Variants in CNTNAP2 observed in about 807,000 individuals in gnomAD.
CNTNAP2 encodes the protein contactin associated protein 2, also known as contactin-associated protein-like 2.
Under a neutral mutation model 155.2 loss-of-function variants are expected in CNTNAP2, and 98 were observed. The observed-to-expected ratio is 0.63, with a 90% CI of 0.54 to 0.75. CNTNAP2 has a LOEUF of 0.75. CNTNAP2 is among the 30% of genes least tolerant of loss of function. The pLI, the probability that CNTNAP2 is intolerant of heterozygous loss-of-function variation, is 0.00. For missense variants in CNTNAP2, 1,727 were observed against 1,688.1 expected (o/e 1.02, Z -0.40); for synonymous variants, 651 against 631.2 (o/e 1.03, Z -0.47).
chr7:146,843,599 A>AC (rs1389426023), intron 3 of CNTNAP2, among the ~76,000 whole-genome samples: 1 of 148,896 alleles, frequency 6.7e-6, no homozygotes, highest in East Asian at 1.9e-4. Flanking sequence ...ACTAATACAA[A>AC]AAAAAAAAAA....
chr7:147,097,712 G>C (rs1282881518), intron 4 of CNTNAP2: 1 of 152,180 alleles, frequency 6.6e-6, no homozygotes, highest in Non-Finnish European at 1.5e-5. Flanking sequence ...AAGCATATCA[G>C]ATGAATTTGA....
rs370377093 is a variant in CNTNAP2 at position 147,108,128 on chromosome 7, A to AT, written c.551-8dup. On this transcript the variant is annotated intron_variant, in intron 4 of 23. Coordinates refer to ENST00000361727, the MANE Select transcript of CNTNAP2 (RefSeq NM_014141.6). ...ACATACATGGCTGAACTAATATGTTATTTTTTTTTTTGTTTTAGGGGCTGA... is the reference window on the plus strand; with the variant it reads ...ACATACATGGCTGAACTAATATGTTATTTTTTTTTTTTGTTTTAGGGGCTGA... 4,079 of 1,287,450 alleles carry AT rather than the reference A, an allele frequency of 3.2e-3. No individual in the cohort carries two copies. Among genetic ancestry groups the AT allele is most frequent in the Middle Eastern group, 4.3e-3 (21 of 4,880 alleles). 79.8% of individuals were successfully genotyped at this position (1,287,450 alleles called of 1,614,324 possible). A position where few individuals can be genotyped will look rare whatever the true frequency, so the allele number is the denominator to read the frequency against.
At chr7:148,295,647 G>A (rs28733009) in intron 21 of CNTNAP2, among the ~76,000 whole-genome samples, 34,351 of 113,246 alleles carry the variant, frequency 0.3, 7,366 homozygotes, top group African/African-American at 0.47. Context: ...GCCCGCCACC[G>A]CGCCTGGCTA....
chr7:148,342,864 G>C (rs888171798), intron 21 of CNTNAP2, among the ~76,000 whole-genome samples: 2 of 152,214 alleles, frequency 1.3e-5, no homozygotes, highest in Non-Finnish European at 2.9e-5. Context: ...CAAAGTAAAT[G>C]TGCTTAGAGG....
intron 1 of CNTNAP2, among the ~76,000 whole-genome samples, chr7:146,201,410 A>T (rs1474961513): frequency 1.3e-5 from 2 of 152,204 alleles, no homozygotes; most frequent in Non-Finnish European, 2.9e-5. Context: ...AATAACATTC[A>T]GAGATGATTA....
chr7:148,066,852 T>C (rs1205507285), intron 15 of CNTNAP2, among the ~76,000 whole-genome samples: 1 of 152,202 alleles, frequency 6.6e-6, no homozygotes, highest in Non-Finnish European at 1.5e-5. Flanking sequence ...AAGCCTCGTC[T>C]TTGATCTCTG....
At chr7:146,148,912 G>A (rs1169781594) in intron 1 of CNTNAP2, among the ~76,000 whole-genome samples, 3 of 151,876 alleles carry the variant, frequency 2.0e-5, no homozygotes, top group Non-Finnish European at 4.4e-5. Context: ...TATGAGTATA[G>A]TGTTATATTG....
intron 12 of CNTNAP2, among the ~76,000 whole-genome samples, chr7:147,618,772 G>T (rs1257361752): frequency 6.6e-6 from 1 of 151,118 alleles, no homozygotes; most frequent in East Asian, 1.9e-4. Context: ...GGAAGGAATT[G>T]TTTTTTGCTT....
intron 9 of CNTNAP2, among the ~76,000 whole-genome samples, chr7:147,324,378 T>A (rs1271842978): frequency 6.6e-6 from 1 of 152,222 alleles, no homozygotes; most frequent in African/African-American, 2.4e-5. Flanking sequence ...GTGTGCATGA[T>A]TTAAGCATTT....
At position 147,002,144 on chromosome 7, in the gene CNTNAP2, A is replaced by C. The variant is rs138297592; in HGVS notation, c.403-41763A>C. Among the ~76,000 whole-genome samples the C allele has an allele frequency of 3.6e-3, 549 of 152,120 alleles. 9 individuals carry two copies. The highest frequency in any genetic ancestry group is 0.012 in the African/African-American group (517 of 41,558). On this transcript the variant is annotated intron_variant, in intron 3 of 23. Transcript: ENST00000361727. ...AAAATTATACAAAGAGAAACTTTAA[A>C]AGATGCATTTATTATATAATAATTT...
At chr7:146,664,246 C>G (rs978465880) in intron 1 of CNTNAP2, among the ~76,000 whole-genome samples, 19 of 150,494 alleles carry the variant, frequency 1.3e-4, no homozygotes, top group African/African-American at 4.7e-4. Context: ...ACTGCAACCT[C>G]CGCCTCCGGA....
chr7:148,213,718 G>C (rs558043487), intron 18 of CNTNAP2, among the ~76,000 whole-genome samples: 2 of 151,908 alleles, frequency 1.3e-5, no homozygotes, highest in Non-Finnish European at 2.9e-5. Context: ...TTCTCCAGGC[G>C]GCCCGCCCTG....
intron 13 of CNTNAP2, among the ~76,000 whole-genome samples, chr7:147,884,618 A>T (rs866304979): frequency 1.3e-5 from 2 of 152,220 alleles, no homozygotes; most frequent in Admixed American, 6.5e-5. Context: ...GGAAAAATGT[A>T]TTCTGTGTCT....
chr7:147,565,219 A>G lies in CNTNAP2; in HGVS notation c.1897+2962A>G, dbSNP rs369990608. Among the ~76,000 whole-genome samples, 4 of 152,170 alleles carry G rather than the reference A, an allele frequency of 2.6e-5. No homozygotes were observed. In the East Asian group the frequency reaches 7.7e-4, roughly 29 times the overall value. ...GCCATATAAATCAATCCCCCAGGGC[A>G]CAAGAGAGATTGGCTTATTCCAAAG... is the stretch of plus-strand genomic sequence containing the variant. On this transcript the variant is annotated intron_variant, in intron 12 of 23. Coordinates refer to ENST00000361727, the MANE Select transcript of CNTNAP2 (RefSeq NM_014141.6).
At chr7:146,492,922 A>G (rs1415417811) in intron 1 of CNTNAP2, among the ~76,000 whole-genome samples, 7 of 152,210 alleles carry the variant, frequency 4.6e-5, no homozygotes, top group Admixed American at 4.6e-4. Context: ...GTAGTCTACA[A>G]ATATTTACTA....
intron 13 of CNTNAP2, among the ~76,000 whole-genome samples, chr7:147,650,501 T>A (rs1353445701): frequency 6.6e-6 from 1 of 152,154 alleles, no homozygotes; most frequent in Non-Finnish European, 1.5e-5. Context: ...CATGAAGATA[T>A]GAGGATGAAG....
chr7:146,130,816 G>A (rs541309427), intron 1 of CNTNAP2, among the ~76,000 whole-genome samples: 20 of 152,274 alleles, frequency 1.3e-4, no homozygotes, highest in African/African-American at 4.1e-4. Flanking sequence ...GCAAAGGCAC[G>A]TCTTACATGG....
chr7:147,110,364 C>CTT (rs35428371), intron 5 of CNTNAP2, among the ~76,000 whole-genome samples: 5 of 146,480 alleles, frequency 3.4e-5, no homozygotes, highest in Admixed American at 1.4e-4. Context: ...GTACCTTTTT[C>CTT]TTTTTTTTTT....
At chr7:147,077,610 T>C (rs1584822636) in intron 4 of CNTNAP2, among the ~76,000 whole-genome samples, 1 of 152,294 alleles carries the variant, frequency 6.6e-6, no homozygotes, top group East Asian at 1.9e-4. Flanking sequence ...GCAGGTTCAT[T>C]TTGGGTACCA....
Sources: gnomAD v4.1 joint callset for allele counts (sites outside exome capture counted in the v4.1 genomes callset) on GRCh38, gnomAD v4.1.1 for gene constraint, MANE v1.5 for transcripts, NCBI Gene and HGNC (gene_info 2026-07-23, HGNC 2026-07-21) for gene names.